GRID2: variants seen among roughly 807,000 people sequenced by gnomAD.
GRID2 encodes the protein glutamate receptor ionotropic, delta-2.
In GRID2, 33 loss-of-function variants were observed where a neutral mutation model predicts 114.8. The observed-to-expected ratio is 0.29, with a 90% CI of 0.22 to 0.38. GRID2 has a LOEUF of 0.38. Among genes scored for constraint, GRID2 ranks in the 10% least tolerant of loss-of-function variants. The pLI is 1.00. For synonymous variants in GRID2, 505 were observed against 449.9 expected (o/e 1.12, Z -1.55); for missense variants, 1,184 against 1,257.7 (o/e 0.94, Z 0.89).
chr4:92,891,048 G>A (rs573304196), intron 2 of GRID2, among the ~76,000 whole-genome samples: 28 of 152,198 alleles, frequency 1.8e-4, no homozygotes, highest in Non-Finnish European at 3.4e-4. Context: ...TCACTCATAA[G>A]TGGAAGTTGA....
chr4:93,061,442 T>TA (rs1727800747), intron 2 of GRID2, among the ~76,000 whole-genome samples: 2 of 151,918 alleles, frequency 1.3e-5, no homozygotes, highest in South Asian at 4.1e-4. Flanking sequence ...TTGACTATAG[T>TA]AAGTCATATG....
intron 2 of GRID2, among the ~76,000 whole-genome samples, chr4:92,910,364 A>G (rs897256476): frequency 3.3e-5 from 5 of 152,274 alleles, no homozygotes; most frequent in Middle Eastern, 3.4e-3. Flanking sequence ...TATATTTGTA[A>G]TGATCTTCAT....
chr4:93,553,132 C>T (rs1198456991), intron 13 of GRID2, among the ~76,000 whole-genome samples: 2 of 152,100 alleles, frequency 1.3e-5, no homozygotes, highest in East Asian at 3.9e-4. Flanking sequence ...ATTTATAATC[C>T]TTAGGGTATA....
intron 14 of GRID2, among the ~76,000 whole-genome samples, chr4:93,645,301 A>C (rs2149713639): frequency 6.6e-6 from 1 of 152,282 alleles, no homozygotes; most frequent in Non-Finnish European, 1.5e-5. Context: ...TTTGAGAGTG[A>C]AAGTGCTAAT....
intron 2 of GRID2, among the ~76,000 whole-genome samples, chr4:92,752,252 A>C (rs1162561972): frequency 6.6e-6 from 1 of 152,234 alleles, no homozygotes; most frequent in African/African-American, 2.4e-5. Flanking sequence ...CCTTTGAAGC[A>C]AGATGTAATT....
intron 8 of GRID2, among the ~76,000 whole-genome samples, chr4:93,381,324 G>A (rs188248513): frequency 2.0e-4 from 30 of 152,078 alleles, no homozygotes; most frequent in African/African-American, 6.7e-4. Flanking sequence ...GGAATCATAA[G>A]GTATTTGTTA....
chr4:93,178,153 TC>T (rs1739526624), intron 4 of GRID2, among the ~76,000 whole-genome samples: 1 of 151,522 alleles, frequency 6.6e-6, no homozygotes, highest in Non-Finnish European at 1.5e-5. Context: ...TTATAGATTC[TC>T]CCTTACTAAT....
At chr4:92,915,944 G>C (rs891506141) in intron 2 of GRID2, among the ~76,000 whole-genome samples, 26 of 152,072 alleles carry the variant, frequency 1.7e-4, no homozygotes, top group African/African-American at 6.3e-4. Flanking sequence ...CTTTGTTTAA[G>C]TTTCTTATAG....
intron 1 of GRID2, among the ~76,000 whole-genome samples, chr4:92,342,385 T>G (rs1727540331): frequency 6.6e-6 from 1 of 152,138 alleles, no homozygotes; most frequent in African/African-American, 2.4e-5. Flanking sequence ...AACTATGAAT[T>G]AAGAGGATGT....
intron 1 of GRID2, among the ~76,000 whole-genome samples, chr4:92,470,941 A>AT (rs1424510087): frequency 6.6e-6 from 1 of 151,964 alleles, no homozygotes; most frequent in Non-Finnish European, 1.5e-5. Context: ...GTACATTATA[A>AT]TTTTTCTAAT....
At chr4:92,674,224 C>A (rs962384619) in intron 2 of GRID2, among the ~76,000 whole-genome samples, 3 of 151,938 alleles carry the variant, frequency 2.0e-5, no homozygotes, top group Non-Finnish European at 4.4e-5. Flanking sequence ...TGTTTTTGAA[C>A]CTTATTTTCT....
At chr4:92,897,965 A>G (rs1249089548) in intron 2 of GRID2, among the ~76,000 whole-genome samples, 1 of 152,212 alleles carries the variant, frequency 6.6e-6, no homozygotes, top group African/African-American at 2.4e-5. Context: ...CAGCTTAGGA[A>G]GAGATTCACG....
chr4:93,431,228 T>C (rs1479861052), intron 10 of GRID2, among the ~76,000 whole-genome samples: 4 of 152,122 alleles, frequency 2.6e-5, no homozygotes, highest in Non-Finnish European at 2.9e-5. Flanking sequence ...GAGTTGGATA[T>C]GTAGCATTCT....
At chr4:92,984,150 A>G (rs1754373585) in intron 2 of GRID2, among the ~76,000 whole-genome samples, 1 of 152,224 alleles carries the variant, frequency 6.6e-6, no homozygotes, top group Non-Finnish European at 1.5e-5. Context: ...GCCAGTTTAC[A>G]TGATATATAA....
chr4:92,748,100 G>A (rs1371099556), intron 2 of GRID2, among the ~76,000 whole-genome samples: 1 of 152,098 alleles, frequency 6.6e-6, no homozygotes, highest in Non-Finnish European at 1.5e-5. Flanking sequence ...CTCAGCCTGA[G>A]GAATGGGACC....
chr4:93,439,726 T>TA (rs1721446276), intron 10 of GRID2, among the ~76,000 whole-genome samples: 2 of 151,894 alleles, frequency 1.3e-5, no homozygotes, highest in African/African-American at 4.8e-5. Flanking sequence ...GGAAATAATT[T>TA]AAAAACTAGA....
At chr4:92,768,070 T>C (rs146860354) in intron 2 of GRID2, among the ~76,000 whole-genome samples, 87 of 152,290 alleles carry the variant, frequency 5.7e-4, no homozygotes, top group African/African-American at 1.9e-3. Context: ...ATAAGACATA[T>C]TGAGCAATAC....
At chr4:92,553,769 G>A (rs532220504) in intron 1 of GRID2, among the ~76,000 whole-genome samples, 7 of 152,110 alleles carry the variant, frequency 4.6e-5, no homozygotes, top group Admixed American at 3.9e-4. Flanking sequence ...TCCTGCCTCA[G>A]CCTCCCAAGT....
chr4:93,132,175 C>T (rs962430433), intron 4 of GRID2, among the ~76,000 whole-genome samples: 2 of 152,140 alleles, frequency 1.3e-5, no homozygotes, highest in African/African-American at 4.8e-5. Context: ...CCCAATACAA[C>T]AGTAATCACC....
Sources: gnomAD v4.1 joint callset for allele counts (sites outside exome capture counted in the v4.1 genomes callset) on GRCh38, gnomAD v4.1.1 for gene constraint, MANE v1.5 for transcripts, NCBI Gene and HGNC (gene_info 2026-07-23, HGNC 2026-07-21) for gene names.